The following KCNMB2 variants were observed in gnomAD, a reference collection of about 807,000 sequenced individuals.
The protein encoded by KCNMB2 is potassium calcium-activated channel subfamily M regulatory beta subunit 2, also known as calcium-activated potassium channel subunit beta-2.
In KCNMB2, 9 loss-of-function variants were observed where a neutral mutation model predicts 24.5. The observed-to-expected ratio is 0.37, with a 90% CI of 0.22 to 0.64. The LOEUF is 0.64. KCNMB2 is among the 30% of genes least tolerant of loss of function. The pLI, the probability that KCNMB2 is intolerant of heterozygous loss-of-function variation, is 0.63. For synonymous variants in KCNMB2, 109 were observed against 104.4 expected (o/e 1.04, Z -0.27); for missense variants, 226 against 284.3 (o/e 0.79, Z 1.47).
intron 1 of KCNMB2, among the ~76,000 whole-genome samples, chr3:178,666,646 G>A (rs1475571806): frequency 6.6e-6 from 1 of 152,152 alleles, no homozygotes; most frequent in Non-Finnish European, 1.5e-5. Flanking sequence ...CTTCTAAGTA[G>A]AGTCTGTCAT....
At chr3:178,572,023 G>A (rs1233841509) in intron 1 of KCNMB2, among the ~76,000 whole-genome samples, 1 of 152,104 alleles carries the variant, frequency 6.6e-6, no homozygotes, top group Non-Finnish European at 1.5e-5. Context: ...TTCCCACTCT[G>A]TAAATTACTG....
chr3:178,837,311 T>C (rs978839098), intron 4 of KCNMB2, among the ~76,000 whole-genome samples: 11 of 152,140 alleles, frequency 7.2e-5, no homozygotes, highest in Non-Finnish European at 1.5e-4. Context: ...CATCACTTAA[T>C]CCTCACAAAA....
chr3:178,710,749 A>G (rs1722426031), intron 1 of KCNMB2, among the ~76,000 whole-genome samples: 1 of 152,208 alleles, frequency 6.6e-6, no homozygotes. Flanking sequence ...TGGGGTAGAA[A>G]GCACCTTGAA....
intron 1 of KCNMB2, among the ~76,000 whole-genome samples, chr3:178,719,231 G>C (rs569849893): frequency 1.3e-5 from 2 of 152,320 alleles, no homozygotes; most frequent in South Asian, 4.1e-4. Flanking sequence ...CCCTGTACAG[G>C]AGGCTGGCAT....
chr3:178,726,918 G>T (rs1191768588), intron 1 of KCNMB2, among the ~76,000 whole-genome samples: 1 of 151,924 alleles, frequency 6.6e-6, no homozygotes, highest in Non-Finnish European at 1.5e-5. Context: ...AGTTTCAGCT[G>T]TTCTTTCATT....
At chr3:178,766,634 A>G (rs1043353779) in intron 1 of KCNMB2, among the ~76,000 whole-genome samples, 1 of 152,186 alleles carries the variant, frequency 6.6e-6, no homozygotes, top group Non-Finnish European at 1.5e-5. Flanking sequence ...CTTCCCAACT[A>G]GATTTTAAGT....
At chr3:178,738,072 T>C (rs923743110) in intron 1 of KCNMB2, among the ~76,000 whole-genome samples, 3 of 152,170 alleles carry the variant, frequency 2.0e-5, no homozygotes, top group African/African-American at 4.8e-5. Context: ...TGCTGATTGA[T>C]TAACCACTTT....
At chr3:178,842,378 T>C (rs1450527621) in intron 4 of KCNMB2, among the ~76,000 whole-genome samples, 1 of 152,198 alleles carries the variant, frequency 6.6e-6, no homozygotes, top group Non-Finnish European at 1.5e-5. Flanking sequence ...CATGGAATGA[T>C]TAAATCAAGC....
At position 178,834,147 on chromosome 3, in the gene KCNMB2, T is replaced by C. The variant is rs549538278; in HGVS notation, c.423+5774T>C. On this transcript the variant is annotated intron_variant, in intron 4 of 4. Coordinates refer to ENST00000452583, the MANE Select transcript of KCNMB2 (RefSeq NM_181361.3). ...CATTTTTTGGTATATGGCATAATAC[T>C]ATATATCTGTTCTGATGATGTAGAA... Among the ~76,000 whole-genome samples, 19 of 152,312 alleles carry C rather than the reference T, an allele frequency of 1.2e-4. No individual in the cohort carries two copies. The East Asian group carries it at 3.7e-3, about 29-fold the overall frequency.
At chr3:178,814,100 A>C (rs1418007810) in intron 2 of KCNMB2, among the ~76,000 whole-genome samples, 1 of 152,110 alleles carries the variant, frequency 6.6e-6, no homozygotes, top group Non-Finnish European at 1.5e-5. Flanking sequence ...CCATCAACCA[A>C]ATAGTGAAAC....
chr3:178,605,870 GA>G (rs1281078296), intron 1 of KCNMB2, among the ~76,000 whole-genome samples: 2 of 152,118 alleles, frequency 1.3e-5, no homozygotes, highest in African/African-American at 4.8e-5. Context: ...ATCTAAGAGG[GA>G]AAATGACATA....
chr3:178,670,995 A>G (rs2108582895), intron 1 of KCNMB2, among the ~76,000 whole-genome samples: 1 of 152,132 alleles, frequency 6.6e-6, no homozygotes, highest in Non-Finnish European at 1.5e-5. Flanking sequence ...AACAGGTGAC[A>G]ATACAACTGG....
At chr3:178,652,935 T>C (rs1348404743) in intron 1 of KCNMB2, among the ~76,000 whole-genome samples, 2 of 152,158 alleles carry the variant, frequency 1.3e-5, no homozygotes, top group Non-Finnish European at 2.9e-5. Context: ...AGTGCTGAGA[T>C]TACAGGCGTG....
intron 1 of KCNMB2, among the ~76,000 whole-genome samples, chr3:178,550,007 A>G (rs1456071597): frequency 6.6e-6 from 1 of 152,170 alleles, no homozygotes; most frequent in Non-Finnish European, 1.5e-5. Flanking sequence ...GTTAACTTAA[A>G]GGAAACTCTT....
chr3:178,596,369 C>T (rs1717873403), intron 1 of KCNMB2, among the ~76,000 whole-genome samples: 2 of 152,062 alleles, frequency 1.3e-5, no homozygotes, highest in South Asian at 2.1e-4. Flanking sequence ...ATTAGAAAGG[C>T]ATTATTTTTC....
chr3:178,631,212 G>A (rs1719307598), intron 1 of KCNMB2, among the ~76,000 whole-genome samples: 2 of 152,172 alleles, frequency 1.3e-5, no homozygotes, highest in African/African-American at 4.8e-5. Flanking sequence ...CAAACCTCTA[G>A]GTCATCTTCC....
chr3:178,778,462 A>ACGCGCG lies in KCNMB2; in HGVS notation c.-67-28880_-67-28879insGCGCGC, dbSNP rs1437410515. On this transcript the variant is annotated intron_variant, in intron 1 of 4. Coordinates refer to ENST00000452583, the MANE Select transcript of KCNMB2 (RefSeq NM_181361.3). Reference sequence around the variant, plus strand: ...CTGATTTCTACCCTTTAAGACACACACACACACACACACACACACACACAC... The same window carrying ACGCGCG: ...CTGATTTCTACCCTTTAAGACACACACGCGCGCACACACACACACACACACACACAC... Among the ~76,000 whole-genome samples, 6 of 63,596 alleles carry ACGCGCG rather than the reference A, an allele frequency of 9.4e-5. No homozygotes were observed. In the South Asian group the frequency reaches 3.0e-3, roughly 32 times the overall value. The allele number at this position is 63,596 out of a possible 152,430, so 41.7% of individuals were successfully genotyped here.
At chr3:178,674,576 T>C (rs1329011396) in intron 1 of KCNMB2, among the ~76,000 whole-genome samples, 1 of 152,166 alleles carries the variant, frequency 6.6e-6, no homozygotes, top group Non-Finnish European at 1.5e-5. Flanking sequence ...TAATCCAAGC[T>C]ACCTTTATCT....
intron 1 of KCNMB2, among the ~76,000 whole-genome samples, chr3:178,593,460 G>A (rs1717752735): frequency 6.6e-6 from 1 of 151,996 alleles, no homozygotes; most frequent in South Asian, 2.1e-4. Context: ...TGACTTTTAT[G>A]AGTCCACTTT....
Sources: allele counts gnomAD v4.1 joint callset (sites outside exome capture counted in the v4.1 genomes callset), GRCh38; gene constraint gnomAD v4.1.1; transcripts MANE v1.5; gene names NCBI Gene and HGNC (gene_info 2026-07-23, HGNC 2026-07-21).